The following FLRT1 variants were observed in gnomAD, a reference collection of about 807,000 sequenced individuals.
FLRT1 encodes the protein fibronectin leucine rich transmembrane protein 1, also known as leucine-rich repeat transmembrane protein FLRT1.
Under a neutral mutation model 30.9 loss-of-function variants are expected in FLRT1, and 14 were observed. That is an observed-to-expected ratio of 0.45 (90% confidence interval 0.30 to 0.71). FLRT1 has a LOEUF of 0.71. FLRT1 is among the 30% of genes least tolerant of loss of function. The probability of loss-of-function intolerance (pLI) is 0.08; values close to 1 mark genes in which losing one functional copy is unlikely to be tolerated. For synonymous variants in FLRT1, 368 were observed against 430.4 expected (o/e 0.85, Z 1.80); for missense variants, 737 against 949.2 (o/e 0.78, Z 2.94).
intron 1 of FLRT1, among the ~76,000 whole-genome samples, chr11:64,060,937 CGCGGCGGCG>C (rs544654619): frequency 6.6e-6 from 1 of 151,322 alleles, no homozygotes; most frequent in South Asian, 2.1e-4. Flanking sequence ...GCATGCGCAC[CGCGGCGGCG>C]GCGGCGGCGG....
chr11:64,059,089 C>T (rs1312171759), intron 1 of FLRT1, among the ~76,000 whole-genome samples: 1 of 152,166 alleles, frequency 6.6e-6, no homozygotes, highest in Non-Finnish European at 1.5e-5. Context: ...CTGAGGCTCA[C>T]ATGGAAATTT....
At chr11:64,101,590 C>T (rs2845885) in intron 1 of FLRT1, among the ~76,000 whole-genome samples, 132,027 of 152,174 alleles carry the variant, frequency 0.87, 58,101 homozygotes, top group Non-Finnish European at 0.94. Flanking sequence ...GATGACCTCA[C>T]TGGACTTTTT....
intron 1 of FLRT1, among the ~76,000 whole-genome samples, chr11:64,099,806 C>T (rs529054215): frequency 2.2e-4 from 31 of 143,340 alleles, no homozygotes; most frequent in Admixed American, 4.9e-4. Context: ...GAAGGATGGA[C>T]GGATGGAGAG....
At position 64,118,490 on chromosome 11, in the gene FLRT1, G is replaced by A. The variant is rs768052367; in HGVS notation, c.*198G>A. ...GACAATTTTTTTTAAAAGAATAGAA[G>A]GCAGGAGGGGGAATTCGACATTGTT... On this transcript the variant is annotated 3_prime_UTR_variant, in exon 3 of 3. Coordinates refer to ENST00000682287, the MANE Select transcript of FLRT1 (RefSeq NM_013280.5). 1.6e-4 allele frequency: 81 copies of A among 513,942 alleles called. 1 individual carries two copies. The highest frequency in any genetic ancestry group is 2.4e-4 in the Non-Finnish European group (71 of 299,378). The allele number at this position is 513,942 out of a possible 1,614,324, so 31.8% of individuals were successfully genotyped here.
rs987374494 is a variant in FLRT1 at position 64,116,455 on chromosome 11, G to A, written c.188G>A (p.Gly63Asp). The change falls in exon 3 of 3, where the codon GGC (glycine) becomes GAC (aspartate). Residue 63 changes from glycine (G) to aspartate (D), a missense_variant. Coordinates refer to ENST00000682287, the MANE Select transcript of FLRT1 (RefSeq NM_013280.5). The part of the protein sequence containing the change: ...TCPSVCRCDN[G>D]FIYCNDRGLT... ...CCCTCGGTGTGCCGCTGCGACAACG[G>A]CTTCATCTACTGCAACGACCGGGGA... 6.2e-7 allele frequency: 1 copy of A among 1,613,996 alleles called. No individual in the cohort carries two copies. The highest frequency in any genetic ancestry group is 1.3e-5 in the African/African-American group (1 of 75,032).
chr11:64,114,209 T>C (rs956886734), intron 2 of FLRT1, among the ~76,000 whole-genome samples: 2 of 150,474 alleles, frequency 1.3e-5, no homozygotes, highest in Non-Finnish European at 3.0e-5. Context: ...GATGGATGGA[T>C]GGATGGATGA....
intron 1 of FLRT1, among the ~76,000 whole-genome samples, chr11:64,073,944 C>A (rs995898027): frequency 6.6e-6 from 1 of 152,094 alleles, no homozygotes; most frequent in Non-Finnish European, 1.5e-5. Flanking sequence ...GGGAGGGAGG[C>A]TGGGGCCCTG....
At chr11:64,052,175 G>C (rs962920925) in intron 1 of FLRT1, among the ~76,000 whole-genome samples, 2 of 152,004 alleles carry the variant, frequency 1.3e-5, no homozygotes, top group Admixed American at 1.3e-4. Context: ...AAGGCACCCA[G>C]AGCCCCGGTG....
rs2134496241 is a variant in FLRT1 at position 64,082,539 on chromosome 11, G to C, written c.-1037-20655G>C. ...CTCGGTGCCTAACGGTGGTGGCCGT[G>C]GGAGTCAGAGCTCCAGGCGGAAGTA... On this transcript the variant is annotated intron_variant, in intron 1 of 2. Transcript: ENST00000682287. The surrounding 1 kb of genome is among the most constrained non-coding windows in gnomAD (Gnocchi z 4.5). Among the ~76,000 whole-genome samples the C allele has an allele frequency of 6.6e-6, 1 of 152,080 alleles. No homozygotes were observed. Among genetic ancestry groups the C allele is most frequent in the South Asian group, 2.1e-4 (1 of 4,810 alleles).
chr11:64,046,699 A>G (rs940945600), intron 1 of FLRT1, among the ~76,000 whole-genome samples: 5 of 152,102 alleles, frequency 3.3e-5, no homozygotes, highest in African/African-American at 9.7e-5. Flanking sequence ...GGGTTTCACC[A>G]TGTTGGTCAG....
At chr11:64,101,264 A>T (rs1590909106) in intron 1 of FLRT1, among the ~76,000 whole-genome samples, 2 of 151,898 alleles carry the variant, frequency 1.3e-5, no homozygotes, top group African/African-American at 4.8e-5. Flanking sequence ...TGGGCTGGGC[A>T]GGGCCCTTGG....
rs1234730331 is a variant in FLRT1 at position 64,101,266 on chromosome 11, G to A, written c.-1037-1928G>A. ...GAGACACGGCTGGTGGGCTGGGCAG[G>A]GCCCTTGGAGACTACTGTAGGAGCA... On this transcript the variant is annotated intron_variant, in intron 1 of 2. Transcript: ENST00000682287. Among the ~76,000 whole-genome samples the A allele has an allele frequency of 2.6e-5, 4 of 152,096 alleles. No homozygotes were observed. In the East Asian group the frequency reaches 7.7e-4, roughly 29 times the overall value.
rs11354064 is a variant in FLRT1, at chr11:64,072,423, T to TA, written c.-1037-30758dup. ...AGAAGGTCAGCTGATCCGGCTCATT[T>TA]AAAAAAAAAAAAATAATAATTACAT... On this transcript the variant is annotated intron_variant, in intron 1 of 2. Transcript: ENST00000682287. Among the ~76,000 whole-genome samples the TA allele has an allele frequency of 2.0e-3, 300 of 146,572 alleles. 2 individuals carry two copies. The highest frequency in any genetic ancestry group is 0.01 in the Middle Eastern group (3 of 290).
chr11:64,072,530 C>A (rs1944129516), intron 1 of FLRT1, among the ~76,000 whole-genome samples: 1 of 152,224 alleles, frequency 6.6e-6, no homozygotes, highest in Non-Finnish European at 1.5e-5. Context: ...GTGAACCCGC[C>A]ACAGAAACTA....
chr11:64,063,549 A>C (rs771785561), intron 1 of FLRT1, among the ~76,000 whole-genome samples: 12 of 152,212 alleles, frequency 7.9e-5, no homozygotes, highest in Non-Finnish European at 1.3e-4. Flanking sequence ...GTTACTGCCC[A>C]GCAGCCAGCA....
chr11:64,066,473 G>A (rs993098684), intron 1 of FLRT1, among the ~76,000 whole-genome samples: 1 of 151,506 alleles, frequency 6.6e-6, no homozygotes, highest in Non-Finnish European at 1.5e-5. Context: ...TAAAAAATTA[G>A]CGGAGTGTGG....
Position 64,049,962 on chromosome 11 carries a change from C to T in FLRT1, c.-1038+13803C>T, listed in dbSNP as rs577141133. Among the ~76,000 whole-genome samples the T allele has an allele frequency of 3.9e-5, 6 of 152,298 alleles. No homozygotes were observed. In the East Asian group the frequency reaches 5.8e-4, roughly 15 times the overall value. On this transcript the variant is annotated intron_variant, in intron 1 of 2. Coordinates refer to ENST00000682287, the MANE Select transcript of FLRT1 (RefSeq NM_013280.5). Reference sequence around the variant, plus strand: ...CTCTCTCAGAGCCCTCTTGGCCTAGCGATCGCACAGAGCCAGCCCAGGCCT... The same window carrying T: ...CTCTCTCAGAGCCCTCTTGGCCTAGTGATCGCACAGAGCCAGCCCAGGCCT...
intron 1 of FLRT1, among the ~76,000 whole-genome samples, chr11:64,058,684 G>C (rs540502211): frequency 1.3e-5 from 2 of 152,260 alleles, no homozygotes; most frequent in African/African-American, 4.8e-5. Flanking sequence ...CACGCCGGCT[G>C]CAACCGCTCA....
rs571438887 is a variant in FLRT1, at chr11:64,082,193, C to T, written c.-1037-21001C>T. ...GGAGCAGGCCAGAGCCAGGAGCAGG[C>T]GCGAAACATCCCTTAAATATTGGTG... On this transcript the variant is annotated intron_variant, in intron 1 of 2. Coordinates refer to ENST00000682287, the MANE Select transcript of FLRT1 (RefSeq NM_013280.5). The surrounding 1 kb of genome is among the most constrained non-coding windows in gnomAD (Gnocchi z 4.5). 2.2e-4 allele frequency among the ~76,000 whole-genome samples: 34 copies of T among 152,218 alleles called. No individual in the cohort carries two copies. The highest frequency in any genetic ancestry group is 7.2e-4 in the African/African-American group (30 of 41,538).
Sources: gnomAD v4.1 joint callset for allele counts (sites outside exome capture counted in the v4.1 genomes callset) on GRCh38, gnomAD v4.1.1 for gene constraint, Gnocchi (gnomAD v3.1) non-coding constraint, MANE v1.5 for transcripts, NCBI Gene and HGNC (gene_info 2026-07-23, HGNC 2026-07-21) for gene names.